The following GSK3B variants were observed in gnomAD, a reference collection of about 807,000 sequenced individuals.
The protein encoded by GSK3B is glycogen synthase kinase 3 beta.
In GSK3B, 15 loss-of-function variants were observed where a neutral mutation model predicts 56.4. The observed-to-expected ratio is 0.27, with a 90% CI of 0.18 to 0.41. The LOEUF (loss-of-function observed/expected upper bound fraction) is 0.41. GSK3B is among the 10% of genes least tolerant of loss of function. The probability of loss-of-function intolerance (pLI) is 1.00; values close to 1 mark genes in which losing one functional copy is unlikely to be tolerated. For missense variants in GSK3B, 300 were observed against 513.4 expected, an observed-to-expected ratio of 0.58 and a Z score of 4.02; for synonymous variants, 181 against 188.9, an observed-to-expected ratio of 0.96 and a Z score of 0.34.
At chr3:119,855,822 C>T (rs890424616) in intron 9 of GSK3B, among the ~76,000 whole-genome samples, 6 of 151,776 alleles carry the variant, frequency 4.0e-5, no homozygotes, top group African/African-American at 1.5e-4. Flanking sequence ...CACACCGGGG[C>T]CTGTCGTGCG....
intron 2 of GSK3B, among the ~76,000 whole-genome samples, chr3:119,978,032 T>C (rs1402051223): frequency 6.6e-6 from 1 of 152,180 alleles, no homozygotes; most frequent in Non-Finnish European, 1.5e-5. Context: ...TTGAGGGTCA[T>C]AAATTTCACA....
At chr3:119,847,117 T>A (rs891222593) in intron 9 of GSK3B, among the ~76,000 whole-genome samples, 3 of 151,212 alleles carry the variant, frequency 2.0e-5, no homozygotes, top group African/African-American at 7.3e-5. Context: ...GAGGGGAACA[T>A]CACATACCAG....
chr3:119,913,281 G>C (rs1206476115), intron 5 of GSK3B, among the ~76,000 whole-genome samples: 1 of 152,024 alleles, frequency 6.6e-6, no homozygotes, highest in Non-Finnish European at 1.5e-5. Context: ...AATATTTCAA[G>C]GCTTATAGAC....
chr3:119,873,253 T>G (rs1445073156), intron 8 of GSK3B, among the ~76,000 whole-genome samples: 1 of 152,126 alleles, frequency 6.6e-6, no homozygotes, highest in Non-Finnish European at 1.5e-5. Flanking sequence ...TTTTCTGCTA[T>G]TTCTTTTACA....
Position 120,013,849 on chromosome 3 carries a change from G to A in GSK3B, c.89-11610C>T, listed in dbSNP as rs542915298. 1.8e-3 allele frequency among the ~76,000 whole-genome samples: 236 copies of A among 130,280 alleles called. 12 individuals carry two copies. The South Asian group carries it at 0.052, about 29-fold the overall frequency. 85.5% of individuals were successfully genotyped at this position (130,280 alleles called of 152,430 possible). A position where few individuals can be genotyped will look rare whatever the true frequency, so the allele number is the denominator to read the frequency against. On this transcript the variant is annotated intron_variant, in intron 1 of 10. Coordinates refer to ENST00000264235, the MANE Select transcript of GSK3B (RefSeq NM_001146156.2). ...TCAACTCTTTATCCAAAGAAACCAC[G>A]TTTAAAAAAAAAAAAAAAACTATTA...
chr3:120,000,777 C>T (rs1216459500), intron 2 of GSK3B, among the ~76,000 whole-genome samples: 2 of 138,992 alleles, frequency 1.4e-5, no homozygotes, highest in East Asian at 4.1e-4. Flanking sequence ...TTTGGGATTG[C>T]TAGTGTCTAA....
chr3:119,983,777 C>T (rs1178734146), intron 2 of GSK3B, among the ~76,000 whole-genome samples: 1 of 152,200 alleles, frequency 6.6e-6, no homozygotes, highest in Non-Finnish European at 1.5e-5. Flanking sequence ...TAACACCCCA[C>T]TGTCAACATT....
At chr3:120,021,451 G>C (rs1048721194) in intron 1 of GSK3B, among the ~76,000 whole-genome samples, 2 of 151,994 alleles carry the variant, frequency 1.3e-5, no homozygotes, top group Non-Finnish European at 2.9e-5. Flanking sequence ...GGAGGGCAGA[G>C]GTTGCAGTGA....
rs1346369460 is a variant in GSK3B at position 119,825,996 on chromosome 3, T to G, written c.*792A>C. On this transcript the variant is annotated 3_prime_UTR_variant, in exon 11 of 11. Coordinates refer to ENST00000264235, the MANE Select transcript of GSK3B (RefSeq NM_001146156.2). ...TCACTAGTTTGAAACTGTGCTAAGA[T>G]TTGCAAAGAACTTTGGTCAGGCAAA... The G allele has an allele frequency of 9.2e-6, 2 of 217,970 alleles. No homozygotes were observed. The highest frequency in any genetic ancestry group is 1.8e-5 in the Non-Finnish European group (2 of 108,754). The allele number at this position is 217,970 out of a possible 1,614,324, so 13.5% of individuals were successfully genotyped here.
intron 1 of GSK3B, among the ~76,000 whole-genome samples, chr3:120,084,872 T>A (rs1291532261): frequency 3.9e-5 from 6 of 152,238 alleles, no homozygotes; most frequent in African/African-American, 1.4e-4. Flanking sequence ...GGTTAAAAAA[T>A]AGCAATTTTC....
At position 119,890,744 on chromosome 3, in the gene GSK3B, TAA is replaced by T. The variant is rs11356363; in HGVS notation, c.814-14238_814-14237del. ...ATTTCTATTAACTTGATTTAAAAAG[TAA>T]AAAAAAAAAAAAAAGGGACCATTAT... On this transcript the variant is annotated intron_variant, in intron 7 of 10. Transcript: ENST00000264235. Among the ~76,000 whole-genome samples, 938 of 130,766 alleles carry T rather than the reference TAA, an allele frequency of 7.2e-3. 11 individuals are homozygous for T. Among genetic ancestry groups the T allele is most frequent in the African/African-American group, 0.02 (766 of 38,018 alleles). The allele number at this position is 130,766 out of a possible 152,430, so 85.8% of individuals were successfully genotyped here. A position where few individuals can be genotyped will look rare whatever the true frequency, so the allele number is the denominator to read the frequency against.
chr3:119,994,872 G>A (rs1362017884), intron 2 of GSK3B, among the ~76,000 whole-genome samples: 1 of 151,956 alleles, frequency 6.6e-6, no homozygotes, highest in Non-Finnish European at 1.5e-5. Flanking sequence ...TTTCAATAAA[G>A]CCTGCATATT....
chr3:120,037,225 C>G lies in GSK3B; in HGVS notation c.89-34986G>C, dbSNP rs551362551. Reference sequence around the variant, plus strand: ...TGTTTATCTTACTGGCCTTCCAGTTCTAACTTTAAAAACAGATATGCATTT... The same window carrying G: ...TGTTTATCTTACTGGCCTTCCAGTTGTAACTTTAAAAACAGATATGCATTT... On this transcript the variant is annotated intron_variant, in intron 1 of 10. Coordinates refer to ENST00000264235, the MANE Select transcript of GSK3B (RefSeq NM_001146156.2). Among the ~76,000 whole-genome samples, 28 of 152,322 alleles carry G rather than the reference C, an allele frequency of 1.8e-4. No individual in the cohort carries two copies. The South Asian group carries it at 5.8e-3, about 32-fold the overall frequency.
At chr3:120,068,535 T>C (rs1386786538) in intron 1 of GSK3B, among the ~76,000 whole-genome samples, 1 of 151,354 alleles carries the variant, frequency 6.6e-6, no homozygotes, top group Admixed American at 6.6e-5. Flanking sequence ...ACCCCGTCCC[T>C]ACTAAAAATC....
Position 119,876,464 on chromosome 3 carries a change from T to A in GSK3B, c.858A>T (p.Pro286=). The A allele has an allele frequency of 6.2e-7, 1 of 1,610,700 alleles. No individual in the cohort carries two copies. The highest frequency in any genetic ancestry group is 8.5e-7 in the Non-Finnish European group (1 of 1,177,022). The change falls in exon 8 of 11, where the codon CCA becomes CCT. Residue 286 remains proline, a synonymous_variant. Transcript: ENST00000264235. ...GAGGGAATTTAAATTCTGTGTAGTT[T>A]GGGTTCATTTCTCTGATTTGCTCCC... is the stretch of plus-strand genomic sequence containing the variant. The part of the protein sequence containing the change: ...PTREQIREMN[P]NYTEFKFPQI...
At chr3:120,036,071 A>G (rs1420971739) in intron 1 of GSK3B, among the ~76,000 whole-genome samples, 1 of 152,222 alleles carries the variant, frequency 6.6e-6, no homozygotes, top group East Asian at 1.9e-4. Flanking sequence ...GAAAGCATCC[A>G]ATATTTTGCC....
At chr3:119,911,042 G>A (rs2056730334) in intron 6 of GSK3B, among the ~76,000 whole-genome samples, 2 of 152,108 alleles carry the variant, frequency 1.3e-5, no homozygotes. Context: ...CATGAGGCTT[G>A]GAATCAACTT....
chr3:119,826,685 A>G lies in GSK3B; in HGVS notation c.*103T>C, dbSNP rs759870561. 14 of 788,368 alleles carry G rather than the reference A, an allele frequency of 1.8e-5. No individual in the cohort carries two copies. Among genetic ancestry groups the G allele is most frequent in the Middle Eastern group, 2.2e-4 (1 of 4,494 alleles). The allele number at this position is 788,368 out of a possible 1,614,324, so 48.8% of individuals were successfully genotyped here. The stretch of plus-strand genomic sequence containing the variant: ...AAAATTGAACACTAAAATGAACAGG[A>G]TTTTTTTCTCTTTTTAATATTCTTT... On this transcript the variant is annotated 3_prime_UTR_variant, in exon 11 of 11. Transcript: ENST00000264235.
chr3:119,989,686 A>G (rs992930228), intron 2 of GSK3B, among the ~76,000 whole-genome samples: 3 of 151,958 alleles, frequency 2.0e-5, no homozygotes, highest in African/African-American at 4.8e-5. Flanking sequence ...GGAAATATCT[A>G]AACAACCAAA....
Sources: allele counts gnomAD v4.1 joint callset (sites outside exome capture counted in the v4.1 genomes callset), GRCh38; gene constraint gnomAD v4.1.1; transcripts MANE v1.5; gene names NCBI Gene and HGNC (gene_info 2026-07-23, HGNC 2026-07-21).